The following KIF15 variants were observed in gnomAD, a reference collection of about 807,000 sequenced individuals.
KIF15 encodes the protein kinesin-like protein KIF15.
A neutral mutation model predicts 190.6 loss-of-function variants in KIF15; 140 were observed. The observed-to-expected ratio is 0.73, with a 90% CI of 0.64 to 0.84. The LOEUF (loss-of-function observed/expected upper bound fraction) is 0.84, where lower values mean the gene tolerates loss of function less well. Among genes scored for constraint, KIF15 ranks in the 40% least tolerant of loss-of-function variants. The pLI, the probability that KIF15 is intolerant of heterozygous loss-of-function variation, is 0.00. For synonymous variants in KIF15, 528 were observed against 551.3 expected (o/e 0.96, Z 0.59); for missense variants, 1,372 against 1,584.4 (o/e 0.87, Z 2.28).
chr3:44,842,236 T>C (rs7630122), intron 29 of KIF15, among the ~76,000 whole-genome samples: 3,350 of 152,304 alleles, frequency 0.022, 103 homozygotes, highest in African/African-American at 0.076. Context: ...TAAAATACTT[T>C]CTTGTTTTCC....
chr3:44,773,147 A>AAC (rs1553643336), intron 1 of KIF15, among the ~76,000 whole-genome samples: 4 of 152,038 alleles, frequency 2.6e-5, no homozygotes, highest in East Asian at 1.9e-4. Flanking sequence ...AAAAAAAAAA[A>AAC]AACAACAACA....
intron 1 of KIF15, 130 bp from the exon 2 acceptor site, chr3:44,774,265 G>A: frequency 1.4e-6 from 1 of 716,978 alleles, no homozygotes; most frequent in Non-Finnish European, 2.4e-6. Flanking sequence ...CTGGGCTGTG[G>A]AGCACAGCAT....
chr3:44,805,238 G>A (rs372153482), intron 15 of KIF15, 70 bp downstream of exon 15: 6 of 1,425,306 alleles, frequency 4.2e-6, no homozygotes, highest in Admixed American at 4.3e-5. Context: ...TGTTAATATC[G>A]ATAATTCAAT....
intron 27 of KIF15, among the ~76,000 whole-genome samples, chr3:44,838,747 C>CAAAA (rs779928383): frequency 1.3e-5 from 1 of 74,396 alleles, no homozygotes; most frequent in Admixed American, 1.6e-4. Flanking sequence ...GACCCTGTCT[C>CAAAA]AAAAAAAAAA....
intron 34 of KIF15, 51 bp downstream of exon 34, chr3:44,852,390 A>AT (rs1253119325): frequency 6.5e-7 from 1 of 1,527,580 alleles, no homozygotes; most frequent in African/African-American, 1.4e-5. Flanking sequence ...AAAAATGATT[A>AT]TTTTATTGAA....
chr3:44,781,731 TTGAG>T (rs2125912164), intron 5 of KIF15, among the ~76,000 whole-genome samples: 2 of 152,358 alleles, frequency 1.3e-5, no homozygotes, highest in South Asian at 2.1e-4. Flanking sequence ...TTAGCCATTC[TTGAG>T]TATGTATAGT....
At chr3:44,813,804 G>C (rs1466941537) in intron 19 of KIF15, among the ~76,000 whole-genome samples, 1 of 152,034 alleles carries the variant, frequency 6.6e-6, no homozygotes, top group Non-Finnish European at 1.5e-5. Context: ...TTTTAGGAGA[G>C]ACACGGTTTC....
Position 44,841,204 on chromosome 3 carries a change from G to A in KIF15, c.3551G>A (p.Arg1184Lys), listed in dbSNP as rs1403298029. The A allele has an allele frequency of 2.5e-6, 4 of 1,606,466 alleles. No individual in the cohort carries two copies. The highest frequency in any genetic ancestry group is 1.1e-5 in the South Asian group (1 of 89,680). The change falls in exon 29 of 35, where the codon AGA becomes AAA. Residue 1184 changes from arginine to lysine, a missense_variant. Physicochemically the swap from Arg to Lys is conservative, Grantham distance 26. Coordinates refer to ENST00000326047, the MANE Select transcript of KIF15 (RefSeq NM_020242.3). Reference protein sequence around the residue: ...EHLVTKLNEDREVKNAEILRM... With the variant: ...EHLVTKLNEDKEVKNAEILRM... The stretch of plus-strand genomic sequence containing the variant: ...CTTGTAACAAAGCTAAATGAAGACA[G>A]AGAAGTCAAAAATGCTGAAATCCTC...
chr3:44,800,330 A>G lies in KIF15; in HGVS notation c.1115A>G (p.Asp372Gly). The change falls in exon 11 of 35, where the codon GAC becomes GGC. Residue 372 changes from aspartate (D) to glycine (G), a missense_variant. Coordinates refer to ENST00000326047, the MANE Select transcript of KIF15 (RefSeq NM_020242.3). ...LIKNKAVVNE[D>G]TQGNVSQLQA... ...CCTGAACAGGCAGTAGTAAATGAAG[A>G]CACCCAAGGAAATGTGAGCCAGCTC... 6.2e-7 allele frequency: 1 copy of G among 1,614,038 alleles called. No homozygotes were observed. The highest frequency in any genetic ancestry group is 1.7e-5 in the Admixed American group (1 of 59,960).
chr3:44,843,111 T>C lies in KIF15; in HGVS notation c.3586-14T>C. 9.5e-6 allele frequency: 15 copies of C among 1,586,846 alleles called. 1 individual carries two copies. Among genetic ancestry groups the C allele is most frequent in the Non-Finnish European group, 1.3e-5 (15 of 1,159,606 alleles). ...TAATGTGTTTTTTGAAAAGATACGA[T>C]TTGATGTTATTAGGAGCAGTTGCGT... On this transcript the variant is annotated splice_polypyrimidine_tract_variant and intron_variant, in intron 29 of 34. Transcript: ENST00000326047.
intron 16 of KIF15, among the ~76,000 whole-genome samples, chr3:44,808,787 G>A (rs1319298434): frequency 2.6e-5 from 4 of 152,058 alleles, no homozygotes; most frequent in Non-Finnish European, 5.9e-5. Flanking sequence ...CCTCATACCA[G>A]TTAATGTGGA....
chr3:44,784,086 T>C (rs1575589236), intron 5 of KIF15, among the ~76,000 whole-genome samples: 8 of 152,354 alleles, frequency 5.3e-5, no homozygotes, highest in Admixed American at 1.3e-4. Context: ...TTTAAAAAAA[T>C]CAACTAGCTA....
rs41289588 is a variant in KIF15 at position 44,780,515 on chromosome 3, G to T, written c.324-370G>T. Among the ~76,000 whole-genome samples, 312 of 152,254 alleles carry T rather than the reference G, an allele frequency of 2.0e-3. 2 individuals carry two copies. The highest frequency in any genetic ancestry group is 3.6e-3 in the Non-Finnish European group (248 of 68,020). ...TCCCAAAACCATGGAATACTGTGTAGCTATTAAAAATAATGAGGCAGACCT... is the reference window on the plus strand; with the variant it reads ...TCCCAAAACCATGGAATACTGTGTATCTATTAAAAATAATGAGGCAGACCT... On this transcript the variant is annotated intron_variant, in intron 4 of 34. Transcript: ENST00000326047.
At chr3:44,783,607 A>G (rs1332679349) in intron 5 of KIF15, among the ~76,000 whole-genome samples, 2 of 152,006 alleles carry the variant, frequency 1.3e-5, no homozygotes, top group African/African-American at 2.4e-5. Flanking sequence ...ATATTCTTCA[A>G]TGGGAAAATG....
Position 44,828,248 on chromosome 3 carries a change from T to A in KIF15, c.2891T>A (p.Leu964His). ...GTACAGAAACTAGAAGAGAGCTTGC[T>A]TGCTACTGAAAAAGTGATCAGTTCC... The part of the protein sequence containing the change: ...AKVQKLEESL[L>H]ATEKVISSLE... The change falls in exon 24 of 35, where the codon CTT (leucine) becomes CAT (histidine). Residue 964 changes from leucine (L) to histidine (H), a missense_variant. Coordinates refer to ENST00000326047, the MANE Select transcript of KIF15 (RefSeq NM_020242.3). The A allele has an allele frequency of 6.8e-6, 11 of 1,613,846 alleles. No individual in the cohort carries two copies. The highest frequency in any genetic ancestry group is 9.3e-6 in the Non-Finnish European group (11 of 1,179,782).
At chr3:44,800,237 T>C (rs1283285277) in intron 10 of KIF15, 77 bp from the exon 11 acceptor site, 2 of 1,389,492 alleles carry the variant, frequency 1.4e-6, no homozygotes, top group Non-Finnish European at 2.0e-6. Flanking sequence ...CTACAAATCA[T>C]ACCAAACAAA....
downstream of KIF15, among the ~76,000 whole-genome samples, chr3:44,856,009 G>A (rs1699184366): frequency 6.6e-6 from 1 of 152,076 alleles, no homozygotes; most frequent in Admixed American, 6.5e-5. Context: ...GATGGTAAGG[G>A]GTATGAAGGT....
intron 6 of KIF15, chr3:44,862,550 C>G (rs1026834923): frequency 1.3e-5 from 2 of 152,570 alleles, no homozygotes; most frequent in African/African-American, 4.8e-5. Context: ...TTGCCCATCC[C>G]TTTACTCCGT....
intron 1 of KIF15, among the ~76,000 whole-genome samples, chr3:44,763,855 T>C (rs936891014): frequency 6.6e-6 from 1 of 152,040 alleles, no homozygotes; most frequent in Non-Finnish European, 1.5e-5. Flanking sequence ...GCCCTGCTAA[T>C]TTTTTGTATT....
Sources: allele counts gnomAD v4.1 joint callset (sites outside exome capture counted in the v4.1 genomes callset), GRCh38; gene constraint gnomAD v4.1.1; transcripts MANE v1.5; gene names NCBI Gene and HGNC (gene_info 2026-07-23, HGNC 2026-07-21).